PMF1: variants seen among roughly 807,000 people sequenced by gnomAD.
PMF1 encodes the protein polyamine-modulated factor 1.
In PMF1, 21 loss-of-function variants were observed where a neutral mutation model predicts 26.7. That is an observed-to-expected ratio of 0.79 (90% CI 0.56 to 1.13). The LOEUF is 1.13. Ranked by LOEUF, PMF1 falls within the 50% of genes most tolerant of loss-of-function variation. The pLI is 0.00. For synonymous variants in PMF1, 105 were observed against 101.0 expected (o/e 1.04, Z -0.24); for missense variants, 266 against 254.9 (o/e 1.04, Z -0.30).
chr1:156,228,288 T>TA (rs1658501031), intron 1 of PMF1, among the ~76,000 whole-genome samples: 2 of 143,792 alleles, frequency 1.4e-5, no homozygotes, highest in Non-Finnish European at 3.0e-5. Flanking sequence ...TTTTTTTTTT[T>TA]AGTGTATCAC....
chr1:156,225,582 A>G lies in PMF1; in HGVS notation c.162-6738A>G, dbSNP rs745764347. The G allele has an allele frequency of 1.1e-5, 17 of 1,557,956 alleles. No homozygotes were observed. The South Asian group carries it at 2.0e-4, about 18-fold the overall frequency. On this transcript the variant is annotated intron_variant, in intron 1 of 4. Transcript: ENST00000368277. ...CTCTCCACTCCTTCATTGGGACGGA[A>G]GTGCTGGTCCCCGCCTGCCCTCTGG...
intron 1 of PMF1, among the ~76,000 whole-genome samples, chr1:156,215,328 GGCAGGTAACAGCCTTATCAT>G (rs1177810330): frequency 6.6e-6 from 1 of 152,166 alleles, no homozygotes; most frequent in Non-Finnish European, 1.5e-5. Context: ...AGGCTGGAGA[GGCAGGTAACAGCCTTATCAT>G]GCAGGGCCTA....
At chr1:156,222,814 G>T (rs1248930039) in intron 1 of PMF1, among the ~76,000 whole-genome samples, 2 of 152,258 alleles carry the variant, frequency 1.3e-5, no homozygotes, top group Admixed American at 6.5e-5. Flanking sequence ...TATGGCGACA[G>T]TTCTTAAGTT....
In PMF1 at chr1:156,228,148, T is replaced by C. The variant is rs142257056; in HGVS notation, c.162-4172T>C. On this transcript the variant is annotated intron_variant, in intron 1 of 4. Coordinates refer to ENST00000368277, the MANE Select transcript of PMF1 (RefSeq NM_007221.4). ...TAGGGTTTCATCATGTTAGTCAGGC[T>C]GGTCTTGAACTCCTGACCTTAGGTG... 5.5e-3 allele frequency among the ~76,000 whole-genome samples: 825 copies of C among 150,968 alleles called. 7 individuals are homozygous for C. The highest frequency in any genetic ancestry group is 0.018 in the African/African-American group (743 of 41,088).
At chr1:156,229,576 GTTTT>G (rs57035472) in intron 1 of PMF1, among the ~76,000 whole-genome samples, 1 of 147,118 alleles carries the variant, frequency 6.8e-6, no homozygotes, top group Non-Finnish European at 1.5e-5. Flanking sequence ...TTTTGTTTTT[GTTTT>G]TTTTTTTGAG....
At position 156,232,919 on chromosome 1, in the gene PMF1, CTTTTTTT is replaced by C. The variant is rs57297712; in HGVS notation, c.267+506_267+512del. Reference sequence around the variant, plus strand: ...GCCTAAAATTTTAATTTTTTTCTTCCTTTTTTTTTTTTTTTTTTGAGACAGGGTCTGG... The same window carrying C: ...GCCTAAAATTTTAATTTTTTTCTTCCTTTTTTTTTTTGAGACAGGGTCTGG... On this transcript the variant is annotated intron_variant, in intron 2 of 4. Transcript: ENST00000368277. 4.4e-5 allele frequency among the ~76,000 whole-genome samples: 5 copies of C among 114,312 alleles called. No homozygotes were observed. The East Asian group carries it at 7.2e-4, about 17-fold the overall frequency. 75.0% of individuals were successfully genotyped at this position (114,312 alleles called of 152,430 possible).
At position 156,213,021 on chromosome 1, in the gene PMF1, C is replaced by T. The variant is rs374316560; in HGVS notation, c.6C>T (p.Ala2=). 3 of 1,614,142 alleles carry T rather than the reference C, an allele frequency of 1.9e-6. No individual in the cohort carries two copies. The highest frequency in any genetic ancestry group is 2.5e-6 in the Non-Finnish European group (3 of 1,179,990). The change falls in exon 1 of 5, where the codon GCC becomes GCT. Residue 2 remains alanine (A), a synonymous_variant. Transcript: ENST00000368277. M[A]EASSANLGSG... is the part of the protein sequence containing the mutation. Reference sequence around the variant, plus strand: ...TTTGGAGGTTCAACTTCAACATGGCCGAAGCAAGTAGCGCCAATCTAGGCA... The same window carrying T: ...TTTGGAGGTTCAACTTCAACATGGCTGAAGCAAGTAGCGCCAATCTAGGCA...
At chr1:156,213,301 G>A (rs529345207) in intron 1 of PMF1, 125 bp downstream of exon 1, 2 of 1,391,464 alleles carry the variant, frequency 1.4e-6, no homozygotes, top group Non-Finnish European at 1.9e-6. Context: ...GCAGTCGGAC[G>A]AGGCGACCCA....
At chr1:156,228,256 A>AGTTTTTT (rs1658488364) in intron 1 of PMF1, among the ~76,000 whole-genome samples, 15 of 33,548 alleles carry the variant, frequency 4.5e-4, no homozygotes, top group East Asian at 2.7e-3. Context: ...GCACCTGGCG[A>AGTTTTTT]TTTTTTTTTT....
intron 1 of PMF1, among the ~76,000 whole-genome samples, chr1:156,231,474 G>A (rs1385725560): frequency 6.6e-6 from 1 of 151,740 alleles, no homozygotes; most frequent in African/African-American, 2.4e-5. Context: ...AGGCTGAGGC[G>A]GGTGGATCAC....
intron 1 of PMF1, among the ~76,000 whole-genome samples, chr1:156,229,924 T>C (rs11805116): frequency 3.3e-5 from 5 of 152,226 alleles, no homozygotes; most frequent in African/African-American, 1.2e-4. Context: ...TAATTCTTAA[T>C]AATGGCTGTG....
intron 1 of PMF1, among the ~76,000 whole-genome samples, chr1:156,231,909 G>C (rs1211123086): frequency 6.6e-6 from 1 of 152,096 alleles, no homozygotes; most frequent in Non-Finnish European, 1.5e-5. Context: ...CTTTTTAGGA[G>C]TAAGCCAATC....
chr1:156,214,880 TA>T lies in PMF1; in HGVS notation c.161+1705del, dbSNP rs199897278. Among the ~76,000 whole-genome samples the T allele has an allele frequency of 6.7e-4, 98 of 147,182 alleles. 1 individual carries two copies. The highest frequency in any genetic ancestry group is 1.8e-3 in the African/African-American group (73 of 40,062). ...ACCAGATTATTATTATTATTATTAT[TA>T]TTATTTTTTTTTTTTAGGCAGTGTC... On this transcript the variant is annotated intron_variant, in intron 1 of 4. Transcript: ENST00000368277.
chr1:156,230,040 A>G (rs1658606719), intron 1 of PMF1, among the ~76,000 whole-genome samples: 1 of 152,150 alleles, frequency 6.6e-6, no homozygotes. Flanking sequence ...CTGTTTCCAA[A>G]AACATTGTTT....
chr1:156,236,315 T>G lies in PMF1; in HGVS notation c.396T>G (p.Asp132Glu), dbSNP rs1297012800. ...AWRPSGIPEK[D>E]LHSVMAPYFL... is the part of the protein sequence containing the mutation. Reference sequence around the variant, plus strand: ...GCCCCAGCGGGATCCCAGAGAAGGATCTGCACAGTGTTATGGCACCCTACT... The same window carrying G: ...GCCCCAGCGGGATCCCAGAGAAGGAGCTGCACAGTGTTATGGCACCCTACT... The change falls in exon 4 of 5, where the codon GAT becomes GAG. Residue 132 changes from aspartate to glutamate, a missense_variant. Coordinates refer to ENST00000368277, the MANE Select transcript of PMF1 (RefSeq NM_007221.4). 23 of 1,613,942 alleles carry G rather than the reference T, an allele frequency of 1.4e-5. No individual in the cohort carries two copies. The highest frequency in any genetic ancestry group is 1.9e-5 in the Non-Finnish European group (22 of 1,179,850).
intron 3 of PMF1, 78 bp from the exon 4 acceptor site, chr1:156,236,210 T>C (rs1381410586): frequency 1.3e-6 from 2 of 1,537,306 alleles, no homozygotes; most frequent in Non-Finnish European, 1.8e-6. Flanking sequence ...TGTCACCGAG[T>C]GTGGGCTTGG....
At chr1:156,215,053 T>G (rs1344779041) in intron 1 of PMF1, among the ~76,000 whole-genome samples, 1 of 150,714 alleles carries the variant, frequency 6.6e-6, no homozygotes. Context: ...AATTTTTGTA[T>G]TTTTTAGTAG....
chr1:156,232,420 A>G lies in PMF1; in HGVS notation c.262A>G (p.Ile88Val). ...DKFIAQLQTS[I>V]REEISDIKEE... ...GTTTATAGCTCAGTTGCAGACATCT[A>G]TCCGGGTGAGTGGCGGGAAGCCTGG... The change falls in exon 2 of 5, where the codon ATC becomes GTC. Residue 88 changes from isoleucine to valine, a missense_variant. Ile to Val is a conservative substitution (Grantham distance 29). Transcript: ENST00000368277. The G allele has an allele frequency of 6.2e-7, 1 of 1,613,872 alleles. No homozygotes were observed.
At chr1:156,236,197 G>A (rs1355024373) in intron 3 of PMF1, 91 bp from the exon 4 acceptor site, 1 of 1,518,714 alleles carries the variant, frequency 6.6e-7, no homozygotes. Context: ...GACAAGGTGG[G>A]CATGTCACCG....
Sources: allele counts gnomAD v4.1 joint callset (sites outside exome capture counted in the v4.1 genomes callset), GRCh38; gene constraint gnomAD v4.1.1; transcripts MANE v1.5; gene names NCBI Gene and HGNC (gene_info 2026-07-23, HGNC 2026-07-21).